The following AVEN variants were observed in gnomAD, a reference collection of about 807,000 sequenced individuals.
AVEN encodes the protein apoptosis and caspase activation inhibitor, also known as cell death regulator Aven.
AVEN carries 41 observed loss-of-function variants against 38.1 expected under a neutral mutation model. The observed-to-expected ratio is 1.08, with a 90% confidence interval of 0.84 to 1.40. AVEN has a LOEUF of 1.40. AVEN is among the 40% of genes most tolerant of loss of function. The pLI is 0.00. For synonymous variants in AVEN, 206 were observed against 171.8 expected, an observed-to-expected ratio of 1.20 and a Z score of -1.56; for missense variants, 605 against 438.8, an observed-to-expected ratio of 1.38 and a Z score of -3.38.
At chr15:33,866,896 G>T (rs1444897899) in intron 5 of AVEN, among the ~76,000 whole-genome samples, 168 bp from the exon 6 acceptor site, 1 of 152,040 alleles carries the variant, frequency 6.6e-6, no homozygotes, top group African/African-American at 2.4e-5. Context: ...TAGAGGATTT[G>T]CTCTTTATTC....
At chr15:33,910,261 G>C (rs1892870312) in intron 2 of AVEN, among the ~76,000 whole-genome samples, 1 of 152,122 alleles carries the variant, frequency 6.6e-6, no homozygotes, top group Admixed American at 6.5e-5. Flanking sequence ...GCTAAAAGAA[G>C]TGTGAAAAAA....
intron 2 of AVEN, among the ~76,000 whole-genome samples, chr15:33,935,619 C>T (rs1424575370): frequency 2.0e-5 from 3 of 151,992 alleles, no homozygotes; most frequent in Non-Finnish European, 4.4e-5. Flanking sequence ...TTTCATTAGT[C>T]TACTTTCTTT....
At chr15:33,904,743 G>A (rs575235615) in intron 2 of AVEN, among the ~76,000 whole-genome samples, 148 of 110,702 alleles carry the variant, frequency 1.3e-3, no homozygotes, top group Non-Finnish European at 1.8e-3. Context: ...ATGCACGCTT[G>A]CACACACATG....
intron 1 of AVEN, among the ~76,000 whole-genome samples, chr15:34,021,233 A>T (rs914622957): frequency 2.0e-5 from 3 of 151,470 alleles, no homozygotes; most frequent in Non-Finnish European, 2.9e-5. Flanking sequence ...TCGCCTCCCA[A>T]GTAGCTTAGG....
At chr15:33,913,030 C>CA (rs777101434) in intron 2 of AVEN, among the ~76,000 whole-genome samples, 16 of 152,016 alleles carry the variant, frequency 1.1e-4, no homozygotes, top group Non-Finnish European at 2.4e-4. Context: ...GCTGGGATTA[C>CA]AGGCATGCAC....
At chr15:34,018,620 C>G (rs770414897) in intron 1 of AVEN, among the ~76,000 whole-genome samples, 2 of 152,154 alleles carry the variant, frequency 1.3e-5, no homozygotes, top group Non-Finnish European at 2.9e-5. Flanking sequence ...TGTGCAGCAG[C>G]AAGACTTATT....
intron 2 of AVEN, among the ~76,000 whole-genome samples, chr15:33,996,471 C>T (rs1439599948): frequency 2.6e-5 from 4 of 152,100 alleles, no homozygotes; most frequent in African/African-American, 4.8e-5. Context: ...CCCTCTGGGA[C>T]GAAGCTTCCA....
intron 2 of AVEN, among the ~76,000 whole-genome samples, chr15:33,892,455 T>C (rs1255944461): frequency 1.3e-5 from 2 of 151,878 alleles, no homozygotes; most frequent in Non-Finnish European, 3.0e-5. Flanking sequence ...GGCTAGCCAG[T>C]TTTACCAGCA....
Position 33,866,722 on chromosome 15 carries a change from G to A in AVEN, c.980C>T (p.Ala327Val), listed in dbSNP as rs146907296. The change falls in exon 6 of 6, where the codon GCA (alanine) becomes GTA (valine). Residue 327 changes from alanine to valine, a missense_variant. Coordinates refer to ENST00000306730, the MANE Select transcript of AVEN (RefSeq NM_020371.3). Reference protein sequence around the residue: ...GEVVQEEEVCAKPSVTEEKNM... With the variant: ...GEVVQEEEVCVKPSVTEEKNM... ...TTTTTCTTCAGTCACAGATGGTTTT[G>A]CACAAACTGGGGGAAAAAAAACAAT... The A allele has an allele frequency of 8.1e-6, 13 of 1,612,104 alleles. No individual in the cohort carries two copies. The African/African-American group carries it at 1.7e-4, about 22-fold the overall frequency.
At chr15:33,872,739 A>T (rs538510515) in intron 3 of AVEN, among the ~76,000 whole-genome samples, 44 of 152,310 alleles carry the variant, frequency 2.9e-4, no homozygotes, top group Non-Finnish European at 5.6e-4. Context: ...AACTTAGGTG[A>T]TTTAAAAAAT....
intron 1 of AVEN, among the ~76,000 whole-genome samples, chr15:34,027,064 A>G (rs1898512133): frequency 6.6e-6 from 1 of 152,244 alleles, no homozygotes; most frequent in South Asian, 2.1e-4. Context: ...TACAAAAGCA[A>G]CAAGAACACT....
chr15:33,992,795 A>G (rs1896785855), intron 2 of AVEN, among the ~76,000 whole-genome samples: 1 of 152,242 alleles, frequency 6.6e-6, no homozygotes, highest in Non-Finnish European at 1.5e-5. Context: ...CCTTCAGTCT[A>G]ATTGTTGGCA....
intron 2 of AVEN, among the ~76,000 whole-genome samples, chr15:33,888,981 G>A (rs762933732): frequency 2.0e-5 from 3 of 152,134 alleles, no homozygotes; most frequent in African/African-American, 7.2e-5. Flanking sequence ...CTCCCAAAGT[G>A]CTGGGATTAC....
rs566412514 is a variant in AVEN at position 34,002,295 on chromosome 15, C to T, written c.445+737G>A. ...GTCAGCATCCCAGGGATCTGTCACG[C>T]TGCCCCTTTATAAGCACATCCGCCT... On this transcript the variant is annotated intron_variant, in intron 2 of 5. Coordinates refer to ENST00000306730, the MANE Select transcript of AVEN (RefSeq NM_020371.3). Among the ~76,000 whole-genome samples the T allele has an allele frequency of 2.2e-4, 33 of 152,296 alleles. No individual in the cohort carries two copies. The South Asian group carries it at 5.0e-3, about 23-fold the overall frequency.
intron 2 of AVEN, among the ~76,000 whole-genome samples, chr15:33,950,553 T>G (rs1317473987): frequency 6.6e-6 from 1 of 151,936 alleles, no homozygotes; most frequent in Admixed American, 6.6e-5. Flanking sequence ...TTGTGAGAGG[T>G]GGAAGGAAAC....
intron 2 of AVEN, among the ~76,000 whole-genome samples, chr15:33,996,907 T>G (rs945397398): frequency 2.0e-5 from 3 of 152,110 alleles, no homozygotes; most frequent in East Asian, 3.9e-4. Flanking sequence ...AACAAACTTC[T>G]CCCAGCTAAA....
At chr15:33,988,273 T>G (rs1896563545) in intron 2 of AVEN, among the ~76,000 whole-genome samples, 1 of 152,182 alleles carries the variant, frequency 6.6e-6, no homozygotes, top group African/African-American at 2.4e-5. Flanking sequence ...CAACAATATA[T>G]TTCGATTTTA....
chr15:33,870,638 C>T (rs769193825), intron 4 of AVEN, among the ~76,000 whole-genome samples: 96 of 152,208 alleles, frequency 6.3e-4, no homozygotes, highest in Admixed American at 1.1e-3. Flanking sequence ...TCCCTAGTGC[C>T]GAACATAGAG....
chr15:33,984,788 G>C (rs8038713), intron 2 of AVEN, among the ~76,000 whole-genome samples: 1 of 151,844 alleles, frequency 6.6e-6, no homozygotes, highest in African/African-American at 2.4e-5. Flanking sequence ...TGAGACAAAC[G>C]TTAGTAGCAA....
Sources: gnomAD v4.1 joint callset for allele counts (sites outside exome capture counted in the v4.1 genomes callset) on GRCh38, gnomAD v4.1.1 for gene constraint, MANE v1.5 for transcripts, NCBI Gene and HGNC (gene_info 2026-07-23, HGNC 2026-07-21) for gene names.